Variants in KCND2 observed in about 807,000 individuals in gnomAD.
KCND2 encodes A-type voltage-gated potassium channel KCND2.
KCND2 carries 16 observed loss-of-function variants against 54.4 expected under a neutral mutation model. That is an observed-to-expected ratio of 0.29 (90% CI 0.20 to 0.45). KCND2 has a LOEUF of 0.45. Among genes scored for constraint, KCND2 ranks in the 20% least tolerant of loss-of-function variants. The probability of loss-of-function intolerance (pLI) is 1.00; values close to 1 mark genes in which losing one functional copy is unlikely to be tolerated. For synonymous variants in KCND2, 317 were observed against 310.7 expected (o/e 1.02, Z -0.21); for missense variants, 486 against 824.2 (o/e 0.59, Z 5.02).
At chr7:120,635,031 C>T (rs1482850818) in intron 1 of KCND2, among the ~76,000 whole-genome samples, 2 of 152,210 alleles carry the variant, frequency 1.3e-5, no homozygotes, top group Non-Finnish European at 2.9e-5. Context: ...TACTAGTTGA[C>T]ATCATTTTCT....
intron 1 of KCND2, among the ~76,000 whole-genome samples, chr7:120,412,325 T>G (rs1164601897): frequency 6.6e-6 from 1 of 152,086 alleles, no homozygotes; most frequent in Non-Finnish European, 1.5e-5. Flanking sequence ...TTCTCAATCT[T>G]ACTCTTAAGA....
intron 1 of KCND2, among the ~76,000 whole-genome samples, chr7:120,513,323 T>C (rs1803147899): frequency 6.6e-6 from 1 of 152,138 alleles, no homozygotes. Flanking sequence ...CAAATACACG[T>C]AATCAATGTT....
chr7:120,484,021 A>G (rs1372963851), intron 1 of KCND2, among the ~76,000 whole-genome samples: 1 of 152,124 alleles, frequency 6.6e-6, no homozygotes, highest in African/African-American at 2.4e-5. Context: ...GAAAGACTGA[A>G]TGAACAAACC....
At position 120,669,942 on chromosome 7, in the gene KCND2, TATAAAG is replaced by T. The variant is rs565940080; in HGVS notation, c.1116-62945_1116-62940del. The stretch of plus-strand genomic sequence containing the variant: ...TGTTTCAAAAGATGAGTCTACTGCC[TATAAAG>T]ATAAAGATAAAGATATGTTAATTAC... On this transcript the variant is annotated intron_variant, in intron 1 of 5. Coordinates refer to ENST00000331113, the MANE Select transcript of KCND2 (RefSeq NM_012281.3). Among the ~76,000 whole-genome samples, 449 of 152,218 alleles carry T rather than the reference TATAAAG, an allele frequency of 2.9e-3. 4 individuals carry two copies. Among genetic ancestry groups the T allele is most frequent in the South Asian group, 0.015 (70 of 4,826 alleles).
chr7:120,543,949 G>A (rs183846239), intron 1 of KCND2, among the ~76,000 whole-genome samples: 3 of 151,970 alleles, frequency 2.0e-5, no homozygotes, highest in South Asian at 4.2e-4. Flanking sequence ...GATAGACCAT[G>A]GCCCTAACCA....
At chr7:120,742,727 A>G (rs1294768192) in intron 4 of KCND2, 125 bp downstream of exon 4, 1 of 749,854 alleles carries the variant, frequency 1.3e-6, no homozygotes, top group Non-Finnish European at 2.4e-6. Flanking sequence ...CTAAAAAACA[A>G]ACAAACCAAA....
intron 1 of KCND2, among the ~76,000 whole-genome samples, chr7:120,288,551 G>A (rs1375262417): frequency 1.3e-5 from 2 of 152,074 alleles, no homozygotes; most frequent in Non-Finnish European, 2.9e-5. Flanking sequence ...GCTTTTCATG[G>A]ATGTTAGCTT....
chr7:120,407,994 T>G (rs2116099202), intron 1 of KCND2, among the ~76,000 whole-genome samples: 1 of 151,910 alleles, frequency 6.6e-6, no homozygotes, highest in South Asian at 2.1e-4. Flanking sequence ...AAAAAGTTAT[T>G]CTGGTGACAA....
chr7:120,359,908 A>G (rs1800569141), intron 1 of KCND2, among the ~76,000 whole-genome samples: 1 of 152,018 alleles, frequency 6.6e-6, no homozygotes, highest in Non-Finnish European at 1.5e-5. Flanking sequence ...ATCTGCCACC[A>G]TGTAAGCCGT....
intron 1 of KCND2, among the ~76,000 whole-genome samples, chr7:120,616,403 A>G (rs1232522397): frequency 1.3e-5 from 2 of 152,324 alleles, no homozygotes; most frequent in South Asian, 4.1e-4. Flanking sequence ...AAACAGAACT[A>G]TATATTATTT....
intron 1 of KCND2, among the ~76,000 whole-genome samples, chr7:120,669,264 T>C (rs1562903940): frequency 1.3e-5 from 2 of 152,026 alleles, no homozygotes; most frequent in Non-Finnish European, 2.9e-5. Flanking sequence ...TACAAATAAA[T>C]ATCTTGATTT....
intron 1 of KCND2, among the ~76,000 whole-genome samples, chr7:120,355,126 T>A (rs1241746010): frequency 6.6e-6 from 1 of 152,212 alleles, no homozygotes; most frequent in African/African-American, 2.4e-5. Flanking sequence ...TGGGGCTACC[T>A]CTCCATAACC....
Position 120,274,364 on chromosome 7 carries a change from CA to C in KCND2, c.-268del. On this transcript the variant is annotated 5_prime_UTR_variant, in exon 1 of 6. Transcript: ENST00000331113. ...GCCAGAGGGTGGCCTAGCCCACCTG[CA>C]GGAAGAGATTTGGCTGGGTTCTGTT... is the stretch of plus-strand genomic sequence containing the variant. The C allele has an allele frequency of 1.8e-6, 1 of 566,284 alleles. No homozygotes were observed. The highest frequency in any genetic ancestry group is 3.2e-6 in the Non-Finnish European group (1 of 316,324). The allele number at this position is 566,284 out of a possible 1,614,324, so 35.1% of individuals were successfully genotyped here.
intron 1 of KCND2, among the ~76,000 whole-genome samples, chr7:120,411,312 A>G (rs1284803300): frequency 6.7e-6 from 1 of 149,116 alleles, no homozygotes; most frequent in South Asian, 2.1e-4. Context: ...TTTTTTTTTC[A>G]TTTTTACTTT....
intron 1 of KCND2, among the ~76,000 whole-genome samples, chr7:120,506,705 A>G (rs1368418435): frequency 6.6e-6 from 1 of 151,942 alleles, no homozygotes; most frequent in Non-Finnish European, 1.5e-5. Flanking sequence ...TTCATTTGTT[A>G]GGAAGCGAGT....
intron 1 of KCND2, among the ~76,000 whole-genome samples, chr7:120,592,155 G>C (rs1055775098): frequency 1.3e-5 from 2 of 152,308 alleles, no homozygotes; most frequent in South Asian, 4.1e-4. Flanking sequence ...TAGTCACCAA[G>C]TGCAGGATCC....
chr7:120,421,950 G>A (rs1801631280), intron 1 of KCND2, among the ~76,000 whole-genome samples: 1 of 152,188 alleles, frequency 6.6e-6, no homozygotes, highest in Non-Finnish European at 1.5e-5. Context: ...CAGAAGGATG[G>A]CAGCTGGGAA....
chr7:120,352,783 C>T (rs1800435159), intron 1 of KCND2, among the ~76,000 whole-genome samples: 2 of 151,948 alleles, frequency 1.3e-5, no homozygotes, highest in South Asian at 4.2e-4. Context: ...AAAATGCAAA[C>T]AGTAATAAAA....
At chr7:120,745,664 C>A (rs1792996735) in intron 4 of KCND2, 116 bp from the exon 5 acceptor site, 1 of 1,053,454 alleles carries the variant, frequency 9.5e-7, no homozygotes, top group Non-Finnish European at 1.4e-6. Context: ...TTTATTTAAC[C>A]ATTGTATCAA....
Sources: allele counts gnomAD v4.1 joint callset (sites outside exome capture counted in the v4.1 genomes callset), GRCh38; gene constraint gnomAD v4.1.1; transcripts MANE v1.5; gene names NCBI Gene and HGNC (gene_info 2026-07-23, HGNC 2026-07-21).